DKK2: variants seen among roughly 807,000 people sequenced by gnomAD.
The protein encoded by DKK2 is dickkopf Wnt signaling pathway inhibitor 2.
Under a neutral mutation model 28.1 loss-of-function variants are expected in DKK2, and 11 were observed. The observed-to-expected ratio is 0.39, with a 90% confidence interval of 0.25 to 0.65. The LOEUF is 0.65. DKK2 is among the 30% of genes least tolerant of loss of function. DKK2 has a pLI of 0.47. For missense variants in DKK2, 326 were observed against 335.5 expected, an observed-to-expected ratio of 0.97 and a Z score of 0.22; for synonymous variants, 135 against 126.5, an observed-to-expected ratio of 1.07 and a Z score of -0.45.
chr4:106,995,795 T>G (rs920214224), intron 1 of DKK2, among the ~76,000 whole-genome samples: 2 of 152,128 alleles, frequency 1.3e-5, no homozygotes, highest in African/African-American at 2.4e-5. Context: ...GTATTTTTAG[T>G]AGAGACGGGG....
At chr4:106,941,139 T>TA (rs111654729) in intron 1 of DKK2, among the ~76,000 whole-genome samples, 6 of 151,200 alleles carry the variant, frequency 4.0e-5, no homozygotes, top group African/African-American at 1.2e-4. Context: ...AAAAATAAAA[T>TA]AAAAAAAAGC....
chr4:106,998,485 C>T (rs752271406), intron 1 of DKK2, among the ~76,000 whole-genome samples: 1 of 152,034 alleles, frequency 6.6e-6, no homozygotes, highest in Non-Finnish European at 1.5e-5. Flanking sequence ...GAAATGAATG[C>T]CAACAAGTAG....
chr4:106,936,402 G>T (rs1406514916), intron 1 of DKK2, among the ~76,000 whole-genome samples: 1 of 151,806 alleles, frequency 6.6e-6, no homozygotes, highest in Non-Finnish European at 1.5e-5. Context: ...GAAGCAAGAA[G>T]GGAAGTTTAG....
intron 1 of DKK2, among the ~76,000 whole-genome samples, chr4:106,961,565 G>GCACACACACACACACACACA (rs34597899): frequency 0.016 from 2,138 of 136,194 alleles, 24 homozygotes; most frequent in Non-Finnish European, 0.022. Flanking sequence ...CCAACAGCCT[G>GCACACACACACACACACACA]CACACACACA....
chr4:106,978,792 A>C (rs1722982524), intron 1 of DKK2, among the ~76,000 whole-genome samples: 1 of 144,196 alleles, frequency 6.9e-6, no homozygotes, highest in Admixed American at 7.4e-5. Flanking sequence ...GGGTATGATA[A>C]AAAAGAAAAA....
intron 1 of DKK2, among the ~76,000 whole-genome samples, chr4:107,013,811 T>A (rs1168521443): frequency 6.6e-6 from 1 of 151,484 alleles, no homozygotes; most frequent in Admixed American, 6.6e-5. Context: ...GGTTGATATT[T>A]AGACTATATA....
rs185770815 is a variant in DKK2, at chr4:107,019,912, G to A, written c.222+15458C>T. Among the ~76,000 whole-genome samples the A allele has an allele frequency of 4.6e-5, 7 of 152,056 alleles. No homozygotes were observed. In the East Asian group the frequency reaches 1.2e-3, roughly 25 times the overall value. On this transcript the variant is annotated intron_variant, in intron 1 of 3. Transcript: ENST00000285311. ...CAGTGCTTTGGCTTTGTTTTCCTAA[G>A]ATATTTGAAATAGTCCTTGAATATC...
At chr4:106,965,964 A>G (rs1030517634) in intron 1 of DKK2, among the ~76,000 whole-genome samples, 2 of 151,498 alleles carry the variant, frequency 1.3e-5, no homozygotes, top group Admixed American at 1.3e-4. Context: ...CATGGTGTAT[A>G]TGTGCCACAT....
chr4:106,968,762 C>T (rs1722820219), intron 1 of DKK2, among the ~76,000 whole-genome samples: 1 of 152,012 alleles, frequency 6.6e-6, no homozygotes, highest in South Asian at 2.1e-4. Flanking sequence ...GGTAAGATTC[C>T]CAAGTGGTTG....
At chr4:106,963,542 G>A (rs1399656955) in intron 1 of DKK2, among the ~76,000 whole-genome samples, 1 of 152,158 alleles carries the variant, frequency 6.6e-6, no homozygotes, top group Non-Finnish European at 1.5e-5. Flanking sequence ...ATGTATGCTG[G>A]TGAGGATGTG....
Position 107,020,976 on chromosome 4 carries a change from G to C in DKK2, c.222+14394C>G, listed in dbSNP as rs183946886. Reference sequence around the variant, plus strand: ...ACCATGATTCTTTTGGAAATAATAAGCATATTACATGAATTTTGACCACGT... The same window carrying C: ...ACCATGATTCTTTTGGAAATAATAACCATATTACATGAATTTTGACCACGT... On this transcript the variant is annotated intron_variant, in intron 1 of 3. Transcript: ENST00000285311. 1.4e-3 allele frequency among the ~76,000 whole-genome samples: 219 copies of C among 151,992 alleles called. 1 individual carries two copies. Among genetic ancestry groups the C allele is most frequent in the Non-Finnish European group, 1.1e-3 (76 of 67,928 alleles).
chr4:107,023,202 A>G (rs1417323807), intron 1 of DKK2, among the ~76,000 whole-genome samples: 1 of 152,164 alleles, frequency 6.6e-6, no homozygotes, highest in Non-Finnish European at 1.5e-5. Flanking sequence ...TCATGTTTAT[A>G]TAATTAATTA....
At chr4:106,992,871 T>C (rs1723224140) in intron 1 of DKK2, among the ~76,000 whole-genome samples, 1 of 152,198 alleles carries the variant, frequency 6.6e-6, no homozygotes, top group African/African-American at 2.4e-5. Context: ...CTTGTTGCTA[T>C]TGTTGTTGTT....
intron 1 of DKK2, among the ~76,000 whole-genome samples, chr4:107,014,015 G>A (rs1234962016): frequency 2.0e-5 from 3 of 151,516 alleles, no homozygotes; most frequent in Non-Finnish European, 4.4e-5. Context: ...TGTGGAGAAA[G>A]TGGAACTCAT....
chr4:107,008,121 A>G (rs1418281165), intron 1 of DKK2, among the ~76,000 whole-genome samples: 1 of 152,174 alleles, frequency 6.6e-6, no homozygotes, highest in Non-Finnish European at 1.5e-5. Flanking sequence ...GATCACCACC[A>G]TTAAAACCCA....
At chr4:107,022,429 T>A (rs971731501) in intron 1 of DKK2, among the ~76,000 whole-genome samples, 2 of 152,104 alleles carry the variant, frequency 1.3e-5, no homozygotes, top group African/African-American at 4.8e-5. Context: ...GCCTCCAACT[T>A]ACATGAGATA....
chr4:107,033,055 T>A (rs1051877701), intron 1 of DKK2, among the ~76,000 whole-genome samples: 11 of 152,202 alleles, frequency 7.2e-5, no homozygotes, highest in African/African-American at 2.2e-4. Flanking sequence ...ATTTTACTAT[T>A]TGTTTCTTCA....
chr4:106,955,167 G>C (rs1429332834), intron 1 of DKK2, among the ~76,000 whole-genome samples: 2 of 152,096 alleles, frequency 1.3e-5, no homozygotes, highest in East Asian at 1.9e-4. Context: ...ACTGGAAACT[G>C]AATGGGCTTT....
intron 1 of DKK2, among the ~76,000 whole-genome samples, chr4:107,018,906 T>A (rs1723651484): frequency 1.3e-5 from 2 of 152,100 alleles, no homozygotes; most frequent in Non-Finnish European, 2.9e-5. Flanking sequence ...TATCTTTAAG[T>A]CCTGGTTTTG....
Sources: allele counts gnomAD v4.1 joint callset (sites outside exome capture counted in the v4.1 genomes callset), GRCh38; gene constraint gnomAD v4.1.1; transcripts MANE v1.5; gene names NCBI Gene and HGNC (gene_info 2026-07-23, HGNC 2026-07-21).